Variants in TAS2R1 observed in about 807,000 individuals in gnomAD.
TAS2R1 encodes taste receptor type 2 member 1.
For synonymous variants in TAS2R1, 141 were observed against 134.2 expected, an observed-to-expected ratio of 1.05 and a Z score of -0.35; for missense variants, 370 against 353.4, an observed-to-expected ratio of 1.05 and a Z score of -0.38.
chr5:9,797,576 T>C, the TAS2R1 span, among the ~76,000 whole-genome samples: 1 of 152,136 alleles, frequency 6.6e-6, no homozygotes, highest in Non-Finnish European at 1.5e-5. Flanking sequence ...CAGGAACAAT[T>C]AGTGCCTAAT....
intron 1 of TAS2R1, among the ~76,000 whole-genome samples, chr5:9,694,459 C>T (rs79497623): frequency 0.032 from 4,942 of 152,178 alleles, 103 homozygotes; most frequent in African/African-American, 0.061. Flanking sequence ...GATTTTGTTA[C>T]CCTACTTACA....
chr5:9,887,224 T>C, the TAS2R1 span, among the ~76,000 whole-genome samples: 1 of 152,224 alleles, frequency 6.6e-6, no homozygotes, highest in African/African-American at 2.4e-5. Context: ...TATGCAGTTA[T>C]TAATTATATT....
At chr5:9,843,412 C>T in the TAS2R1 span, among the ~76,000 whole-genome samples, 1 of 152,182 alleles carries the variant, frequency 6.6e-6, no homozygotes, top group Non-Finnish European at 1.5e-5. Flanking sequence ...TCCACCATTA[C>T]CATTTCACTT....
In TAS2R1 at chr5:9,681,978, C is replaced by T. The variant is rs114535163; in HGVS notation, c.-241-22397G>A. Reference sequence around the variant, plus strand: ...CATGGTTCTCTGGTTGTTTTAATTGCCTGTGTCCTTGCCAAGTTATGAAAT... The same window carrying T: ...CATGGTTCTCTGGTTGTTTTAATTGTCTGTGTCCTTGCCAAGTTATGAAAT... On this transcript the variant is annotated intron_variant, in intron 1 of 2. Transcript: ENST00000506620. Among the ~76,000 whole-genome samples, 1,447 of 152,236 alleles carry T rather than the reference C, an allele frequency of 9.5e-3. 23 individuals carry two copies. The highest frequency in any genetic ancestry group is 0.033 in the African/African-American group (1,374 of 41,518).
the TAS2R1 span, among the ~76,000 whole-genome samples, chr5:9,893,524 C>G: frequency 2.7e-4 from 41 of 152,258 alleles, no homozygotes; most frequent in Admixed American, 5.2e-4. Flanking sequence ...TCTAATTGGG[C>G]TGGTCAAACG....
intron 2 of TAS2R1, among the ~76,000 whole-genome samples, chr5:9,641,096 T>C (rs1740073796): frequency 5.9e-5 from 9 of 152,138 alleles, no homozygotes; most frequent in Admixed American, 5.9e-4. Context: ...GTTCACATCC[T>C]GAGTCTAGGA....
At chr5:9,683,379 A>G (rs1741063197) in intron 1 of TAS2R1, among the ~76,000 whole-genome samples, 1 of 152,216 alleles carries the variant, frequency 6.6e-6, no homozygotes, top group Non-Finnish European at 1.5e-5. Flanking sequence ...CACATTTCAA[A>G]AATACACACA....
the TAS2R1 span, among the ~76,000 whole-genome samples, chr5:9,829,036 G>C: frequency 6.6e-6 from 1 of 152,186 alleles, no homozygotes; most frequent in African/African-American, 2.4e-5. Flanking sequence ...GAGGAAATGG[G>C]CTCCTGCATA....
At chr5:9,811,222 G>C in the TAS2R1 span, among the ~76,000 whole-genome samples, 53 of 152,272 alleles carry the variant, frequency 3.5e-4, no homozygotes, top group African/African-American at 1.3e-3. Flanking sequence ...TGTGAACCAG[G>C]AACTGGTCCT....
chr5:9,726,144 T>C, the TAS2R1 span, among the ~76,000 whole-genome samples: 1 of 151,832 alleles, frequency 6.6e-6, no homozygotes, highest in Non-Finnish European at 1.5e-5. Flanking sequence ...GCACTCTGTG[T>C]CTACCTCAAG....
the TAS2R1 span, among the ~76,000 whole-genome samples, chr5:9,760,487 T>C: frequency 0.37 from 55,890 of 152,060 alleles, 10,701 homozygotes; most frequent in Admixed American, 0.45. Context: ...GTAAGAAGAA[T>C]TGTATACAAC....
intron 1 of TAS2R1, among the ~76,000 whole-genome samples, chr5:9,688,613 C>CT (rs1490127390): frequency 6.6e-6 from 1 of 152,168 alleles, no homozygotes; most frequent in African/African-American, 2.4e-5. Flanking sequence ...TTTTTCTGCT[C>CT]TCTTTTTGTC....
At chr5:9,808,072 A>G in the TAS2R1 span, among the ~76,000 whole-genome samples, 23 of 152,328 alleles carry the variant, frequency 1.5e-4, no homozygotes, top group African/African-American at 5.1e-4. Flanking sequence ...TTTGAAGTGC[A>G]TGCTAGAAAA....
At chr5:9,737,553 C>G in the TAS2R1 span, among the ~76,000 whole-genome samples, 2 of 152,172 alleles carry the variant, frequency 1.3e-5, no homozygotes. Flanking sequence ...GGTCCAGCCT[C>G]CAGGGCGATG....
intron 1 of TAS2R1, among the ~76,000 whole-genome samples, chr5:9,693,054 T>G (rs929486987): frequency 6.6e-6 from 1 of 152,118 alleles, no homozygotes; most frequent in African/African-American, 2.4e-5. Context: ...GGGCTACTCC[T>G]CATCACTGCA....
rs1739813037 is a variant in TAS2R1 at position 9,629,036 on chromosome 5, T to C, written c.*97A>G. ...ACAGGCCTGAAGGGGACATGTTGTA[T>C]ATTTATGAACAGGCTGCTTTGTCTG... On this transcript the variant is annotated 3_prime_UTR_variant, in exon 1 of 1. Coordinates refer to ENST00000382492, the MANE Select transcript of TAS2R1 (RefSeq NM_019599.3). The C allele has an allele frequency of 7.6e-7, 1 of 1,308,452 alleles. No individual in the cohort carries two copies. The allele number at this position is 1,308,452 out of a possible 1,614,324, so 81.1% of individuals were successfully genotyped here.
the TAS2R1 span, among the ~76,000 whole-genome samples, chr5:9,815,235 T>C: frequency 6.6e-6 from 1 of 152,194 alleles, no homozygotes; most frequent in African/African-American, 2.4e-5. Context: ...AGAGAATCAA[T>C]TGCAGTACAA....
At chr5:9,824,948 A>G in the TAS2R1 span, among the ~76,000 whole-genome samples, 2 of 152,102 alleles carry the variant, frequency 1.3e-5, no homozygotes, top group Admixed American at 6.5e-5. Context: ...ACATCTCCTA[A>G]GTAGAGGTGA....
chr5:9,760,299 C>T, the TAS2R1 span, among the ~76,000 whole-genome samples: 8 of 152,136 alleles, frequency 5.3e-5, no homozygotes, highest in African/African-American at 1.9e-4. Flanking sequence ...TTTTACAATG[C>T]CTTCCAAGAA....
Sources: allele counts gnomAD v4.1 joint callset (sites outside exome capture counted in the v4.1 genomes callset), GRCh38; gene constraint gnomAD v4.1.1; transcripts MANE v1.5; gene names NCBI Gene and HGNC (gene_info 2026-07-23, HGNC 2026-07-21).